The following ESS2 variants were observed in gnomAD, a reference collection of about 807,000 sequenced individuals.
ESS2 encodes ess-2 spliceosome associated protein.
ESS2 carries 31 observed loss-of-function variants against 52.0 expected under a neutral mutation model. That is an observed-to-expected ratio of 0.60 (90% confidence interval 0.45 to 0.81). The LOEUF (loss-of-function observed/expected upper bound fraction) is 0.81. Among genes scored for constraint, ESS2 ranks in the 30% least tolerant of loss-of-function variants. The pLI is 0.00. For missense variants in ESS2, 602 were observed against 637.2 expected, an observed-to-expected ratio of 0.94 and a Z score of 0.59; for synonymous variants, 285 against 259.2, an observed-to-expected ratio of 1.10 and a Z score of -0.95.
At chr22:19,138,161 C>T in intron 7 of ESS2, 54 bp downstream of exon 7, 1 of 1,609,450 alleles carries the variant, frequency 6.2e-7, no homozygotes, top group South Asian at 1.1e-5. Flanking sequence ...AGAAGCCCAC[C>T]TCCCCCAGGG....
At chr22:19,137,103 A>G (rs1394430587) in intron 8 of ESS2, among the ~76,000 whole-genome samples, 1 of 151,596 alleles carries the variant, frequency 6.6e-6, no homozygotes, top group Non-Finnish European at 1.5e-5. Context: ...GGCCCAAGCC[A>G]CTCCCTGCCT....
At chr22:19,140,672 G>A (rs1224119725) in intron 3 of ESS2, among the ~76,000 whole-genome samples, 2 of 152,188 alleles carry the variant, frequency 1.3e-5, no homozygotes, top group Non-Finnish European at 2.9e-5. Context: ...GCGTGTGGTG[G>A]TGCAAACTTC....
rs767457150 is a variant in ESS2 at position 19,137,337 on chromosome 22, C to T, written c.1021G>A (p.Gly341Ser). ...SETPYVDRTP[G>S]PAFKILEPGR... ...CCACAACCCACCTTAAAAGCTGGGC[C>T]GGGTGTCCTGTCCACGTAGGGCGTT... The change falls in exon 8 of 10, where the codon GGC (glycine) becomes AGC (serine). Residue 341 changes from glycine to serine, a missense_variant. Coordinates refer to ENST00000252137, the MANE Select transcript of ESS2 (RefSeq NM_022719.3). The T allele has an allele frequency of 6.2e-6, 10 of 1,613,036 alleles. No homozygotes were observed. The East Asian group carries it at 8.9e-5, about 14-fold the overall frequency.
chr22:19,134,127 T>C lies in ESS2; in HGVS notation c.*69A>G. The C allele has an allele frequency of 7.1e-7, 1 of 1,415,454 alleles. No homozygotes were observed. The allele number at this position is 1,415,454 out of a possible 1,614,324, so 87.7% of individuals were successfully genotyped here. The stretch of plus-strand genomic sequence containing the variant: ...GGCCTGGGCCCCGAGAAGGCTGGAG[T>C]CCTCTGCTGGGTGTACAGCTGCCCT... On this transcript the variant is annotated 3_prime_UTR_variant, in exon 10 of 10. Coordinates refer to ENST00000252137, the MANE Select transcript of ESS2 (RefSeq NM_022719.3).
At chr22:19,143,772 C>T (rs553992989) in intron 1 of ESS2, among the ~76,000 whole-genome samples, 1,783 of 152,302 alleles carry the variant, frequency 0.012, 11 homozygotes, top group South Asian at 0.021. Flanking sequence ...AGGAGAATGG[C>T]TTGAACCCAG....
Position 19,132,371 on chromosome 22 carries a change from G to A in ESS2, c.*1825C>T. 1.2e-6 allele frequency: 2 copies of A among 1,613,172 alleles called. No individual in the cohort carries two copies. Among genetic ancestry groups the A allele is most frequent in the Non-Finnish European group, 1.7e-6 (2 of 1,180,010 alleles). ...GAGCCAAAACCCAGCACCGGCTGCT[G>A]GTGGTGCCCGAGAACGAGAACAGGA... is the stretch of plus-strand genomic sequence containing the variant. On this transcript the variant is annotated 3_prime_UTR_variant, in exon 10 of 10. Coordinates refer to ENST00000252137, the MANE Select transcript of ESS2 (RefSeq NM_022719.3). This position sits in a 1 kb window ranked among gnomAD's most constrained non-coding sequence, Gnocchi z 4.2.
chr22:19,137,276 A>G (rs1329905284), intron 8 of ESS2, 47 bp downstream of exon 8: 3 of 1,399,706 alleles, frequency 2.1e-6, no homozygotes, highest in Non-Finnish European at 1.0e-6. Flanking sequence ...AGGGCTCCAG[A>G]GGTGTCCACC....
In ESS2 at chr22:19,133,132, C is replaced by T. The variant is rs1282761752; in HGVS notation, c.*1064G>A. 6.6e-6 allele frequency: 1 copy of T among 152,506 alleles called. No individual in the cohort carries two copies. The highest frequency in any genetic ancestry group is 1.5e-5 in the Non-Finnish European group (1 of 68,250). The allele number at this position is 152,506 out of a possible 1,614,324, so 9.4% of individuals were successfully genotyped here. ...CTGAGACCTCCCCGTGTGCCCTCCC[C>T]ACCCAGTGGCTCTTCAAGCTGCTCA... On this transcript the variant is annotated 3_prime_UTR_variant, in exon 10 of 10. Coordinates refer to ENST00000252137, the MANE Select transcript of ESS2 (RefSeq NM_022719.3).
chr22:19,134,942 G>A (rs1252872104), intron 9 of ESS2, 118 bp downstream of exon 9: 35 of 918,312 alleles, frequency 3.8e-5, no homozygotes, highest in Non-Finnish European at 1.3e-5. Context: ...GCAGAACCCC[G>A]CGGACCTGCC....
At chr22:19,141,348 G>C (rs879257206) in intron 3 of ESS2, among the ~76,000 whole-genome samples, 1 of 152,086 alleles carries the variant, frequency 6.6e-6, no homozygotes, top group Non-Finnish European at 1.5e-5. Context: ...AGAGTGTCTC[G>C]TTTGTCTATA....
intron 6 of ESS2, 94 bp from the exon 7 acceptor site, chr22:19,138,411 T>C: frequency 8.5e-7 from 1 of 1,175,118 alleles, no homozygotes; most frequent in East Asian, 2.5e-5. Flanking sequence ...CTGGAAACAC[T>C]TCCTCTCCTC....
chr22:19,140,052 A>G (rs755901778), intron 3 of ESS2, 28 bp from the exon 4 acceptor site: 1 of 1,610,622 alleles, frequency 6.2e-7, no homozygotes, highest in African/African-American at 1.3e-5. Flanking sequence ...GAGGAGGAAC[A>G]CAGCACCCTT....
rs767408054 is a variant in ESS2, at chr22:19,131,646, G to A, written c.*2550C>T. On this transcript the variant is annotated 3_prime_UTR_variant, in exon 10 of 10. Transcript: ENST00000252137. This position sits in a 1 kb window ranked among gnomAD's most constrained non-coding sequence, Gnocchi z 5.7. ...GACTTACGAGATCTTTGAGACCTCT[G>A]ACGGACGGATCTACATCATCATGGA... 8.7e-6 allele frequency: 14 copies of A among 1,614,068 alleles called. No homozygotes were observed. The highest frequency in any genetic ancestry group is 1.2e-5 in the Non-Finnish European group (14 of 1,180,026).
At chr22:19,139,417 A>G in intron 5 of ESS2, 125 bp from the exon 6 acceptor site, 3 of 1,406,990 alleles carry the variant, frequency 2.1e-6, no homozygotes, top group Non-Finnish European at 2.9e-6. Flanking sequence ...CGCAGGCCCC[A>G]GTGCCGCTGG....
chr22:19,141,286 C>T (rs2083682041), intron 3 of ESS2, among the ~76,000 whole-genome samples: 1 of 152,208 alleles, frequency 6.6e-6, no homozygotes, highest in Admixed American at 6.5e-5. Context: ...TGTGCAAACA[C>T]ACAACACATC....
rs904529577 is a variant in ESS2, at chr22:19,131,853, C to G, written c.*2343G>C. The G allele has an allele frequency of 1.9e-6, 3 of 1,614,158 alleles. No individual in the cohort carries two copies. Among genetic ancestry groups the G allele is most frequent in the Non-Finnish European group, 1.7e-6 (2 of 1,180,042 alleles). On this transcript the variant is annotated 3_prime_UTR_variant, in exon 10 of 10. Transcript: ENST00000252137. The surrounding 1 kb of genome is among the most constrained non-coding windows in gnomAD (Gnocchi z 5.7). ...CCTCGACAAGGACTTCAACATCAAG[C>G]TGTCTGACTTTGGCTTCTCCAAGCG...
chr22:19,136,630 C>A (rs1241298305), intron 8 of ESS2, among the ~76,000 whole-genome samples: 1 of 152,124 alleles, frequency 6.6e-6, no homozygotes, highest in Admixed American at 6.6e-5. Flanking sequence ...GGCAGGCATA[C>A]CTCAGAAGCA....
chr22:19,132,451 C>G lies in ESS2; in HGVS notation c.*1745G>C. On this transcript the variant is annotated 3_prime_UTR_variant, in exon 10 of 10. Coordinates refer to ENST00000252137, the MANE Select transcript of ESS2 (RefSeq NM_022719.3). This position sits in a 1 kb window ranked among gnomAD's most constrained non-coding sequence, Gnocchi z 4.2. ...GCCAAAGACCATCACATCTCCGGAG[C>G]TGAGGTGGGGAAAGCAAGCACCTAG... 1.2e-6 allele frequency: 2 copies of G among 1,611,144 alleles called. No homozygotes were observed. Among genetic ancestry groups the G allele is most frequent in the Non-Finnish European group, 8.5e-7 (1 of 1,178,848 alleles).
Position 19,131,323 on chromosome 22 carries a change from T to C in ESS2, c.*2873A>G, listed in dbSNP as rs1202871275. The C allele has an allele frequency of 1.4e-5, 19 of 1,336,462 alleles. No individual in the cohort carries two copies. In the Admixed American group the frequency reaches 3.6e-4, roughly 25 times the overall value. The allele number at this position is 1,336,462 out of a possible 1,614,324, so 82.8% of individuals were successfully genotyped here. ...CAGCCCAGCCAGACGCCTCCGGTAG[T>C]GTAAATGAGGACAATGCCTGCTGGC... On this transcript the variant is annotated 3_prime_UTR_variant, in exon 10 of 10. Coordinates refer to ENST00000252137, the MANE Select transcript of ESS2 (RefSeq NM_022719.3). This position sits in a 1 kb window ranked among gnomAD's most constrained non-coding sequence, Gnocchi z 5.7.
Sources: allele counts gnomAD v4.1 joint callset (sites outside exome capture counted in the v4.1 genomes callset), GRCh38; gene constraint gnomAD v4.1.1; non-coding constraint Gnocchi (gnomAD v3.1); transcripts MANE v1.5; gene names NCBI Gene and HGNC (gene_info 2026-07-23, HGNC 2026-07-21).